KCNQ5: variants seen among roughly 807,000 people sequenced by gnomAD.
KCNQ5 encodes the protein potassium voltage-gated channel subfamily Q member 5, also known as potassium voltage-gated channel subfamily KQT member 5.
KCNQ5 carries 30 observed loss-of-function variants against 98.2 expected under a neutral mutation model. The observed-to-expected ratio is 0.31, with a 90% CI of 0.23 to 0.41. The LOEUF is 0.41. Among genes scored for constraint, KCNQ5 ranks in the 10% least tolerant of loss-of-function variants. The pLI is 1.00. For missense variants in KCNQ5, 835 were observed against 1,182.5 expected, an observed-to-expected ratio of 0.71 and a Z score of 4.31; for synonymous variants, 458 against 449.4, an observed-to-expected ratio of 1.02 and a Z score of -0.24.
chr6:73,167,890 C>T (rs1274972000), intron 10 of KCNQ5, among the ~76,000 whole-genome samples: 1 of 152,130 alleles, frequency 6.6e-6, no homozygotes, highest in Non-Finnish European at 1.5e-5. Flanking sequence ...AGGGCTCCAC[C>T]CTCATAAATG....
At chr6:72,855,303 TA>T (rs3035182) in intron 1 of KCNQ5, among the ~76,000 whole-genome samples, 63,614 of 150,178 alleles carry the variant, frequency 0.42, 14,022 homozygotes, top group South Asian at 0.51. Context: ...ACTAGATACT[TA>T]AAAAAAAAAA....
At chr6:73,159,741 A>G (rs7748411) in intron 10 of KCNQ5, among the ~76,000 whole-genome samples, 7,559 of 152,262 alleles carry the variant, frequency 0.05, 232 homozygotes, top group Middle Eastern at 0.088. Context: ...TTATTTGTAC[A>G]TATATATTTT....
At chr6:72,671,524 A>G (rs1022089381) in intron 1 of KCNQ5, among the ~76,000 whole-genome samples, 2 of 152,200 alleles carry the variant, frequency 1.3e-5, no homozygotes, top group African/African-American at 2.4e-5. Context: ...GATAATGACA[A>G]TGAACACATT....
chr6:72,834,732 G>C (rs1445445051), intron 1 of KCNQ5, among the ~76,000 whole-genome samples: 1 of 152,064 alleles, frequency 6.6e-6, no homozygotes, highest in Non-Finnish European at 1.5e-5. Flanking sequence ...ACCAAAGCAA[G>C]GCCTGTAATC....
chr6:72,649,744 A>G (rs1477182232), intron 1 of KCNQ5, among the ~76,000 whole-genome samples: 3 of 152,116 alleles, frequency 2.0e-5, no homozygotes, highest in Non-Finnish European at 4.4e-5. Flanking sequence ...TGAAAAGGAA[A>G]CTCAGTCAGA....
At chr6:72,670,229 C>T (rs1251700819) in intron 1 of KCNQ5, among the ~76,000 whole-genome samples, 1 of 152,146 alleles carries the variant, frequency 6.6e-6, no homozygotes, top group Non-Finnish European at 1.5e-5. Context: ...TGACCTTTAA[C>T]GTCCATATTT....
At chr6:73,014,465 A>G (rs1271289451) in intron 2 of KCNQ5, among the ~76,000 whole-genome samples, 1 of 151,966 alleles carries the variant, frequency 6.6e-6, no homozygotes, top group Non-Finnish European at 1.5e-5. Flanking sequence ...TGTTAGAAAG[A>G]CTCCAAACTA....
intron 1 of KCNQ5, among the ~76,000 whole-genome samples, chr6:72,984,635 G>A (rs1768659901): frequency 6.6e-6 from 1 of 152,150 alleles, no homozygotes; most frequent in Non-Finnish European, 1.5e-5. Context: ...CCTTGGCTAG[G>A]AAACGGAAAT....
chr6:73,010,497 C>T (rs893105758), intron 2 of KCNQ5, among the ~76,000 whole-genome samples: 14 of 151,914 alleles, frequency 9.2e-5, no homozygotes, highest in Non-Finnish European at 2.1e-4. Flanking sequence ...CAACAAAGTA[C>T]TAGACGGCTG....
At chr6:72,940,218 A>G (rs543263020) in intron 1 of KCNQ5, among the ~76,000 whole-genome samples, 18 of 152,338 alleles carry the variant, frequency 1.2e-4, no homozygotes, top group Admixed American at 3.3e-4. Flanking sequence ...GGGCCTGCCT[A>G]TTCCCAAAAA....
At chr6:73,084,929 G>A (rs1049822534) in intron 5 of KCNQ5, among the ~76,000 whole-genome samples, 1 of 152,114 alleles carries the variant, frequency 6.6e-6, no homozygotes. Flanking sequence ...GAACCAAGAG[G>A]GCTCCTGCTA....
intron 1 of KCNQ5, among the ~76,000 whole-genome samples, chr6:72,803,298 C>A (rs1774764398): frequency 1.3e-5 from 2 of 152,158 alleles, no homozygotes; most frequent in Non-Finnish European, 2.9e-5. Flanking sequence ...CAACAAAAAT[C>A]TGGGCTGCGA....
chr6:72,685,294 A>T (rs1767894435), intron 1 of KCNQ5, among the ~76,000 whole-genome samples: 1 of 152,236 alleles, frequency 6.6e-6, no homozygotes, highest in African/African-American at 2.4e-5. Flanking sequence ...GCTTAGAGTA[A>T]ATCCCTCAGT....
chr6:72,980,490 T>C (rs2150296298), intron 1 of KCNQ5, among the ~76,000 whole-genome samples: 1 of 152,330 alleles, frequency 6.6e-6, no homozygotes, highest in East Asian at 1.9e-4. Flanking sequence ...GTTATTGGTG[T>C]ATAGGAATGC....
chr6:72,725,309 A>AT (rs1226314753), intron 1 of KCNQ5, among the ~76,000 whole-genome samples: 2 of 152,106 alleles, frequency 1.3e-5, no homozygotes, highest in East Asian at 1.9e-4. Flanking sequence ...AGTAGTCATC[A>AT]TTTTTTCTAT....
intron 1 of KCNQ5, among the ~76,000 whole-genome samples, chr6:72,808,374 TTTAG>T (rs892792676): frequency 6.6e-6 from 1 of 152,146 alleles, no homozygotes; most frequent in Non-Finnish European, 1.5e-5. Flanking sequence ...GTCTGGAATA[TTTAG>T]TTAAAGTGTC....
chr6:72,976,630 G>A (rs1165524897), intron 1 of KCNQ5, among the ~76,000 whole-genome samples: 2 of 152,180 alleles, frequency 1.3e-5, no homozygotes, highest in Non-Finnish European at 2.9e-5. Context: ...GAATTCATTA[G>A]CATGGTAGCC....
chr6:72,659,441 A>C (rs1310162915), intron 1 of KCNQ5, among the ~76,000 whole-genome samples: 14 of 152,356 alleles, frequency 9.2e-5, no homozygotes, highest in Admixed American at 7.8e-4. Flanking sequence ...TGTCATAACA[A>C]AATACCATAG....
At chr6:73,077,995 AAG>A in intron 5 of KCNQ5, 108 bp downstream of exon 5, 4 of 914,652 alleles carry the variant, frequency 4.4e-6, no homozygotes, top group South Asian at 2.2e-5. Flanking sequence ...TAAATTGCGA[AAG>A]AGAGTTATAT....
Sources: allele counts gnomAD v4.1 joint callset (sites outside exome capture counted in the v4.1 genomes callset), GRCh38; gene constraint gnomAD v4.1.1; transcripts MANE v1.5; gene names NCBI Gene and HGNC (gene_info 2026-07-23, HGNC 2026-07-21).